Variants in PIP4K2A observed in about 807,000 individuals in gnomAD.
PIP4K2A encodes the protein phosphatidylinositol 5-phosphate 4-kinase type-2 alpha.
Under a neutral mutation model 42.9 loss-of-function variants are expected in PIP4K2A, and 14 were observed. The observed-to-expected ratio is 0.33, with a 90% CI of 0.22 to 0.51. The LOEUF is 0.51. Ranked by LOEUF, PIP4K2A falls within the 20% of genes least tolerant of loss-of-function variation. The pLI, the probability that PIP4K2A is intolerant of heterozygous loss-of-function variation, is 0.97. For missense variants in PIP4K2A, 434 were observed against 519.8 expected (o/e 0.83, Z 1.61); for synonymous variants, 192 against 192.2 (o/e 1.00, Z 0.01).
chr10:22,656,733 G>A (rs1257252676), intron 1 of PIP4K2A, among the ~76,000 whole-genome samples: 2 of 151,014 alleles, frequency 1.3e-5, no homozygotes, highest in South Asian at 4.2e-4. Flanking sequence ...GGAGGCGGAG[G>A]TTGCAGTGAG....
chr10:22,633,825 C>G (rs750224942), intron 1 of PIP4K2A, among the ~76,000 whole-genome samples: 9 of 152,128 alleles, frequency 5.9e-5, no homozygotes, highest in Non-Finnish European at 1.2e-4. Flanking sequence ...CATAAGCAAG[C>G]GGGAGGCCAA....
intron 1 of PIP4K2A, among the ~76,000 whole-genome samples, chr10:22,620,025 A>G (rs1315026832): frequency 6.6e-6 from 1 of 152,246 alleles, no homozygotes; most frequent in Non-Finnish European, 1.5e-5. Context: ...AAGAATCATT[A>G]AGTCAATCTT....
chr10:22,567,735 G>A, intron 6 of PIP4K2A, 116 bp downstream of exon 6: 1 of 877,066 alleles, frequency 1.1e-6, no homozygotes, highest in Non-Finnish European at 2.0e-6. Flanking sequence ...CAGCAGAATG[G>A]GGAACAGGAA....
rs531420476 is a variant in PIP4K2A, at chr10:22,664,033, A to G, written c.144+50150T>C. Among the ~76,000 whole-genome samples, 70 of 100,742 alleles carry G rather than the reference A, an allele frequency of 6.9e-4. 2 individuals carry two copies. The highest frequency in any genetic ancestry group is 4.5e-3 in the Middle Eastern group (1 of 220). 66.1% of individuals were successfully genotyped at this position (100,742 alleles called of 152,430 possible). A position where few individuals can be genotyped will look rare whatever the true frequency, so the allele number is the denominator to read the frequency against. ...TCTCTCTCTCTCTCCATATATATAC[A>G]TATATATATATATACATATGTATAT... On this transcript the variant is annotated intron_variant, in intron 1 of 9. Transcript: ENST00000376573.
chr10:22,545,457 C>T (rs558446897), intron 7 of PIP4K2A, among the ~76,000 whole-genome samples: 1 of 152,328 alleles, frequency 6.6e-6, no homozygotes, highest in South Asian at 2.1e-4. Context: ...CCTCCAGGGC[C>T]CAGCCTCCCC....
At position 22,541,910 on chromosome 10, in the gene PIP4K2A, C is replaced by T; in HGVS notation, c.930G>A (p.Val310=). The T allele has an allele frequency of 1.2e-6, 2 of 1,613,970 alleles. No homozygotes were observed. Among genetic ancestry groups the T allele is most frequent in the Non-Finnish European group, 1.7e-6 (2 of 1,179,922 alleles). ...EEGESDGTHP[V]GTPPDSPGNT... ...TCCCGGGGCTATCTGGGGGGGTTCC[C>T]ACCGGGTGGGTGCCATCGCTCTCGC... Residue 310 remains valine (V), a synonymous_variant, in exon 8 of 10, where the codon GTG becomes GTA. Transcript: ENST00000376573.
At chr10:22,629,684 T>A (rs1778322) in intron 1 of PIP4K2A, among the ~76,000 whole-genome samples, 9,739 of 152,270 alleles carry the variant, frequency 0.064, 458 homozygotes, top group African/African-American at 0.13. Context: ...ACTTGTTGAC[T>A]AAATTAGCTA....
At chr10:22,586,089 T>C (rs534228509) in intron 4 of PIP4K2A, among the ~76,000 whole-genome samples, 2 of 152,344 alleles carry the variant, frequency 1.3e-5, no homozygotes, top group African/African-American at 4.8e-5. Flanking sequence ...ATAATCATCA[T>C]TTATAGGATC....
intron 1 of PIP4K2A, among the ~76,000 whole-genome samples, chr10:22,625,171 G>A (rs868814874): frequency 6.6e-6 from 1 of 152,026 alleles, no homozygotes; most frequent in African/African-American, 2.4e-5. Flanking sequence ...ATCTTTGTGG[G>A]GTGTATTTTT....
chr10:22,650,719 C>G (rs1313742812), intron 1 of PIP4K2A, among the ~76,000 whole-genome samples: 1 of 152,252 alleles, frequency 6.6e-6, no homozygotes, highest in Non-Finnish European at 1.5e-5. Flanking sequence ...AGCCTAGCTG[C>G]TAGCAGGATG....
chr10:22,707,628 C>T (rs1833845635), intron 1 of PIP4K2A, among the ~76,000 whole-genome samples: 1 of 152,186 alleles, frequency 6.6e-6, no homozygotes, highest in Non-Finnish European at 1.5e-5. Context: ...CTGAGCTTGG[C>T]CCAGGCAGCA....
intron 1 of PIP4K2A, among the ~76,000 whole-genome samples, chr10:22,677,474 C>A (rs1490961619): frequency 6.6e-6 from 1 of 152,126 alleles, no homozygotes; most frequent in Non-Finnish European, 1.5e-5. Context: ...TACACTGGGG[C>A]ACAACTCCCT....
intron 6 of PIP4K2A, among the ~76,000 whole-genome samples, chr10:22,559,467 T>A (rs1434553106): frequency 6.6e-6 from 1 of 152,188 alleles, no homozygotes; most frequent in Non-Finnish European, 1.5e-5. Context: ...CTTGAGGATT[T>A]TAATGCTGTC....
At chr10:22,681,218 C>T (rs1401628867) in intron 1 of PIP4K2A, among the ~76,000 whole-genome samples, 2 of 152,200 alleles carry the variant, frequency 1.3e-5, no homozygotes, top group Non-Finnish European at 2.9e-5. Flanking sequence ...GTGCAAGTAA[C>T]ACTAAGAAAA....
intron 6 of PIP4K2A, among the ~76,000 whole-genome samples, chr10:22,558,320 C>G (rs539087809): frequency 2.6e-5 from 4 of 152,272 alleles, no homozygotes; most frequent in African/African-American, 9.6e-5. Flanking sequence ...ATCTATGGAA[C>G]TGAAAACATA....
At chr10:22,693,076 T>C (rs955343297) in intron 1 of PIP4K2A, among the ~76,000 whole-genome samples, 56 of 152,272 alleles carry the variant, frequency 3.7e-4, no homozygotes, top group African/African-American at 1.2e-3. Flanking sequence ...TTTTAATCGA[T>C]TGGGGTCATA....
chr10:22,648,142 A>T (rs1614387), intron 1 of PIP4K2A, among the ~76,000 whole-genome samples: 2 of 152,106 alleles, frequency 1.3e-5, no homozygotes, highest in Non-Finnish European at 2.9e-5. Context: ...AGTTAACACA[A>T]AATTCACTCT....
At chr10:22,608,753 C>G (rs1204061271) in intron 2 of PIP4K2A, among the ~76,000 whole-genome samples, 1 of 152,066 alleles carries the variant, frequency 6.6e-6, no homozygotes, top group Non-Finnish European at 1.5e-5. Context: ...AACCTGCACC[C>G]GTAGTCCCAG....
intron 3 of PIP4K2A, among the ~76,000 whole-genome samples, chr10:22,596,066 G>A (rs559245896): frequency 1.0e-3 from 154 of 151,920 alleles, no homozygotes; most frequent in African/African-American, 3.4e-3. Context: ...TTATGCAGGC[G>A]TGGTGGGGCA....
Sources: gnomAD v4.1 joint callset for allele counts (sites outside exome capture counted in the v4.1 genomes callset) on GRCh38, gnomAD v4.1.1 for gene constraint, MANE v1.5 for transcripts, NCBI Gene and HGNC (gene_info 2026-07-23, HGNC 2026-07-21) for gene names.